The following PLGRKT variants were observed in gnomAD, a reference collection of about 807,000 sequenced individuals.
PLGRKT encodes the protein plasminogen receptor with a C-terminal lysine, also known as plasminogen receptor (KT).
PLGRKT carries 22 observed loss-of-function variants against 18.5 expected under a neutral mutation model. The observed-to-expected ratio is 1.19, with a 90% CI of 0.85 to 1.70. The LOEUF is 1.70. Ranked by LOEUF, PLGRKT falls within the 40% of genes most tolerant of loss-of-function variation. The pLI, the probability that PLGRKT is intolerant of heterozygous loss-of-function variation, is 0.00. For missense variants in PLGRKT, 235 were observed against 174.4 expected, an observed-to-expected ratio of 1.35 and a Z score of -1.96; for synonymous variants, 72 against 52.8, an observed-to-expected ratio of 1.36 and a Z score of -1.58.
At chr9:5,432,064 C>T (rs1818838358) in intron 2 of PLGRKT, 81 bp from the exon 3 acceptor site, 2 of 668,516 alleles carry the variant, frequency 3.0e-6, no homozygotes, top group East Asian at 5.2e-5. Flanking sequence ...CTACCTTGGG[C>T]TTATGACAAA....
chr9:5,411,523 T>C (rs995992254), intron 3 of PLGRKT, among the ~76,000 whole-genome samples: 12 of 152,154 alleles, frequency 7.9e-5, no homozygotes, highest in African/African-American at 2.4e-4. Context: ...GTGTCACTTA[T>C]CCATGGTTAC....
In PLGRKT at chr9:5,418,394, G is replaced by T; in HGVS notation, c.81+13503C>A. On this transcript the variant is annotated intron_variant, in intron 3 of 5. Transcript: ENST00000223864. This position sits in a 1 kb window ranked among gnomAD's most constrained non-coding sequence, Gnocchi z 4.2. Reference sequence around the variant, plus strand: ...CAGCCACAAGATGTCACAGTCAAGCGCTTAGAAATGCAGGACATGTTATGG... The same window carrying T: ...CAGCCACAAGATGTCACAGTCAAGCTCTTAGAAATGCAGGACATGTTATGG... 1.2e-6 allele frequency: 1 copy of T among 801,982 alleles called. No homozygotes were observed. Among genetic ancestry groups the T allele is most frequent in the South Asian group, 1.4e-5 (1 of 70,680 alleles). 49.7% of individuals were successfully genotyped at this position (801,982 alleles called of 1,614,324 possible). A position where few individuals can be genotyped will look rare whatever the true frequency, so the allele number is the denominator to read the frequency against.
Position 5,431,905 on chromosome 9 carries a change from G to C in PLGRKT, c.73C>G (p.Arg25Gly), listed in dbSNP as rs764478425. 8.1e-6 allele frequency: 12 copies of C among 1,474,490 alleles called. No homozygotes were observed. Among genetic ancestry groups the C allele is most frequent in the African/African-American group, 2.8e-5 (2 of 72,212 alleles). 91.3% of individuals were successfully genotyped at this position (1,474,490 alleles called of 1,614,324 possible). A position where few individuals can be genotyped will look rare whatever the true frequency, so the allele number is the denominator to read the frequency against. The change falls in exon 3 of 6, where the codon CGA (arginine) becomes GGA (glycine). Residue 25 changes from arginine (R) to glycine (G), a missense_variant. By Grantham distance (125) the Arg-to-Gly change is moderately radical (BLOSUM62 -2). Transcript: ENST00000223864. ...NQKEFMLMNA[R>G]LQLERQLIMQ... ...ATTATTTTAAAACATACCTGAAGTC[G>C]AGCATTCATAAGCATGAACTCCTTT... is the stretch of plus-strand genomic sequence containing the variant.
At chr9:5,426,607 A>T (rs1818706631) in intron 3 of PLGRKT, among the ~76,000 whole-genome samples, 1 of 152,224 alleles carries the variant, frequency 6.6e-6, no homozygotes, top group African/African-American at 2.4e-5. Flanking sequence ...ATCAACAAGA[A>T]AAACCTAGTC....
intron 3 of PLGRKT, among the ~76,000 whole-genome samples, chr9:5,417,909 G>C (rs1336061501): frequency 1.3e-5 from 2 of 152,166 alleles, no homozygotes; most frequent in Non-Finnish European, 2.9e-5. Flanking sequence ...AACAAAAAAA[G>C]TAGAGAAGCC....
chr9:5,366,338 A>T (rs1817386153), intron 3 of PLGRKT, among the ~76,000 whole-genome samples: 1 of 152,208 alleles, frequency 6.6e-6, no homozygotes, highest in Non-Finnish European at 1.5e-5. Flanking sequence ...ATGGTTGTTA[A>T]CACAAATCCT....
intron 3 of PLGRKT, among the ~76,000 whole-genome samples, chr9:5,400,251 A>G (rs770296880): frequency 6.6e-6 from 1 of 151,878 alleles, no homozygotes; most frequent in Non-Finnish European, 1.5e-5. Context: ...TCCCCACTCA[A>G]TATAACTTCT....
intron 3 of PLGRKT, among the ~76,000 whole-genome samples, chr9:5,388,023 G>C (rs922215216): frequency 6.6e-6 from 1 of 151,936 alleles, no homozygotes; most frequent in Non-Finnish European, 1.5e-5. Context: ...GTTTGGTATA[G>C]CAGTCTGTAG....
intron 3 of PLGRKT, among the ~76,000 whole-genome samples, chr9:5,423,927 T>C (rs908796660): frequency 6.9e-6 from 1 of 144,448 alleles, no homozygotes; most frequent in Non-Finnish European, 1.5e-5. Context: ...ATATTACCTG[T>C]TATATATTAT....
intron 3 of PLGRKT, among the ~76,000 whole-genome samples, chr9:5,422,412 G>T (rs1563789013): frequency 6.6e-6 from 1 of 152,140 alleles, no homozygotes; most frequent in African/African-American, 2.4e-5. Flanking sequence ...AGAAGAATAT[G>T]CTCAGAAATA....
At chr9:5,391,992 G>C (rs905918651) in intron 3 of PLGRKT, among the ~76,000 whole-genome samples, 1 of 151,876 alleles carries the variant, frequency 6.6e-6, no homozygotes, top group African/African-American at 2.4e-5. Context: ...AAGTTGGTCT[G>C]GCCTGGGCAA....
At chr9:5,409,548 C>A (rs1818321426) in intron 3 of PLGRKT, among the ~76,000 whole-genome samples, 1 of 152,144 alleles carries the variant, frequency 6.6e-6, no homozygotes, top group African/African-American at 2.4e-5. Context: ...TATATATATA[C>A]CCAGAGTGGT....
chr9:5,366,951 T>C (rs988530557), intron 3 of PLGRKT, among the ~76,000 whole-genome samples: 2 of 151,840 alleles, frequency 1.3e-5, no homozygotes, highest in Middle Eastern at 3.2e-3. Flanking sequence ...GTAGCATTTC[T>C]ACACACCAAT....
chr9:5,407,066 T>C (rs551811600), intron 3 of PLGRKT, among the ~76,000 whole-genome samples: 3 of 152,358 alleles, frequency 2.0e-5, no homozygotes, highest in African/African-American at 7.2e-5. Context: ...GGTCTTCATG[T>C]ATAAAATTTT....
chr9:5,374,479 CT>C (rs1017950486), intron 3 of PLGRKT, among the ~76,000 whole-genome samples: 2 of 152,228 alleles, frequency 1.3e-5, no homozygotes, highest in African/African-American at 4.8e-5. Context: ...TCCTGCCAGG[CT>C]TTTCCTTGAC....
chr9:5,392,470 T>C (rs1204142974), intron 3 of PLGRKT: 1 of 151,976 alleles, frequency 6.6e-6, no homozygotes, highest in East Asian at 1.9e-4. Flanking sequence ...TAAGGCTAAC[T>C]CACATTCTCA....
intron 3 of PLGRKT, among the ~76,000 whole-genome samples, chr9:5,391,743 T>C (rs1287272650): frequency 1.3e-5 from 2 of 151,990 alleles, no homozygotes; most frequent in African/African-American, 2.4e-5. Flanking sequence ...GTCGTATTCA[T>C]GCTTTGTCTA....
intron 3 of PLGRKT, among the ~76,000 whole-genome samples, chr9:5,427,831 C>G (rs1215623102): frequency 6.6e-6 from 1 of 152,200 alleles, no homozygotes; most frequent in Non-Finnish European, 1.5e-5. Flanking sequence ...GGCTGGGTTA[C>G]AGGACGTGAG....
chr9:5,360,172 G>C (rs114365017), intron 5 of PLGRKT, among the ~76,000 whole-genome samples: 1,592 of 152,254 alleles, frequency 0.01, 36 homozygotes, highest in African/African-American at 0.037. Flanking sequence ...TGCTGAACTG[G>C]ATAATAGTTT....
Sources: allele counts gnomAD v4.1 joint callset (sites outside exome capture counted in the v4.1 genomes callset), GRCh38; gene constraint gnomAD v4.1.1; non-coding constraint Gnocchi (gnomAD v3.1); transcripts MANE v1.5; gene names NCBI Gene and HGNC (gene_info 2026-07-23, HGNC 2026-07-21).